The following ZNF521 variants were observed in gnomAD, a reference collection of about 807,000 sequenced individuals.
The protein encoded by ZNF521 is LYST-interacting protein 3.
ZNF521 carries 14 observed loss-of-function variants against 105.5 expected under a neutral mutation model. The ratio of observed to expected loss-of-function variants is 0.13; its 90% CI spans 0.09 to 0.21. The LOEUF is 0.21. ZNF521 is among the 10% of genes least tolerant of loss of function. The pLI, the probability that ZNF521 is intolerant of heterozygous loss-of-function variation, is 1.00. For synonymous variants in ZNF521, 635 were observed against 606.0 expected, an observed-to-expected ratio of 1.05 and a Z score of -0.70; for missense variants, 1,233 against 1,629.7, an observed-to-expected ratio of 0.76 and a Z score of 4.19.
chr18:25,106,130 G>A (rs1247856908), intron 5 of ZNF521, among the ~76,000 whole-genome samples: 1 of 152,046 alleles, frequency 6.6e-6, no homozygotes, highest in South Asian at 2.1e-4. Flanking sequence ...TTATGGGTGA[G>A]AAAACTGATA....
chr18:25,335,835 A>T (rs1462486199), intron 2 of ZNF521, among the ~76,000 whole-genome samples: 1 of 152,212 alleles, frequency 6.6e-6, no homozygotes, highest in Non-Finnish European at 1.5e-5. Context: ...CGGACAAGTG[A>T]ATGCCAAGGT....
chr18:25,064,388 G>A (rs2032994824), intron 7 of ZNF521, among the ~76,000 whole-genome samples: 1 of 152,232 alleles, frequency 6.6e-6, no homozygotes, highest in Admixed American at 6.5e-5. Flanking sequence ...TCTAGGCCAA[G>A]GGACCCACAT....
intron 2 of ZNF521, among the ~76,000 whole-genome samples, chr18:25,328,829 G>A (rs1600315041): frequency 6.6e-6 from 1 of 152,310 alleles, no homozygotes; most frequent in East Asian, 1.9e-4. Flanking sequence ...TGGGATTACA[G>A]GCGTGAGCCA....
At chr18:25,300,136 A>G (rs975932302) in intron 3 of ZNF521, among the ~76,000 whole-genome samples, 6 of 152,158 alleles carry the variant, frequency 3.9e-5, no homozygotes, top group Non-Finnish European at 7.3e-5. Flanking sequence ...AGACATGTGG[A>G]AAGGACTGGT....
chr18:25,274,225 A>T (rs1048462367), intron 3 of ZNF521, among the ~76,000 whole-genome samples: 1 of 152,162 alleles, frequency 6.6e-6, no homozygotes, highest in South Asian at 2.1e-4. Context: ...AAGGAATACC[A>T]AGGAACCAGC....
intron 4 of ZNF521, among the ~76,000 whole-genome samples, chr18:25,203,936 T>C (rs1044129879): frequency 3.3e-5 from 5 of 152,020 alleles, no homozygotes; most frequent in Non-Finnish European, 5.9e-5. Context: ...TCTCAAAGCT[T>C]GGTTCTGTCT....
At chr18:25,117,358 T>C (rs2034349412) in intron 5 of ZNF521, among the ~76,000 whole-genome samples, 1 of 151,994 alleles carries the variant, frequency 6.6e-6, no homozygotes, top group African/African-American at 2.4e-5. Context: ...GAAGAATGTA[T>C]CAGAATCCAT....
Position 25,225,910 on chromosome 18 carries a change from T to A in ZNF521, c.2008A>T (p.Asn670Tyr). ...GATTCTTGGTTGGGGAATTCCTTGT[T>A]GCACTGAGGACAGGTCAATTTTGGA... The part of the protein sequence containing the change: ...VLPKLTCPQC[N>Y]KEFPNQESLL... The change falls in exon 4 of 8, where the codon AAC (asparagine) becomes TAC (tyrosine). Residue 670 changes from asparagine to tyrosine, a missense_variant. Transcript: ENST00000361524. The surrounding 1 kb of genome is among the most constrained non-coding windows in gnomAD (Gnocchi z 5.6). The A allele has an allele frequency of 6.2e-7, 1 of 1,614,174 alleles. No homozygotes were observed. Among genetic ancestry groups the A allele is most frequent in the Non-Finnish European group, 8.5e-7 (1 of 1,180,030 alleles).
intron 3 of ZNF521, among the ~76,000 whole-genome samples, chr18:25,295,578 C>T (rs1334167090): frequency 6.7e-6 from 1 of 149,824 alleles, no homozygotes; most frequent in Admixed American, 6.7e-5. Context: ...TCTCATTTAA[C>T]CCATAAATAT....
intron 5 of ZNF521, among the ~76,000 whole-genome samples, chr18:25,098,614 G>A (rs1262835218): frequency 2.0e-5 from 3 of 152,094 alleles, no homozygotes; most frequent in South Asian, 2.1e-4. Flanking sequence ...GGATAAGGAC[G>A]GGAGTGAGGA....
At chr18:25,064,282 G>A (rs962694698) in intron 7 of ZNF521, among the ~76,000 whole-genome samples, 4 of 142,602 alleles carry the variant, frequency 2.8e-5, no homozygotes, top group Admixed American at 2.2e-4. Context: ...AAATGTCACG[G>A]ATACACCTAA....
intron 3 of ZNF521, among the ~76,000 whole-genome samples, chr18:25,271,543 C>A (rs1407304366): frequency 6.6e-6 from 1 of 152,186 alleles, no homozygotes; most frequent in Non-Finnish European, 1.5e-5. Flanking sequence ...GTAACCAAAG[C>A]AGCATAGTAC....
At chr18:25,089,203 C>T (rs1030091302) in intron 7 of ZNF521, among the ~76,000 whole-genome samples, 26 of 152,286 alleles carry the variant, frequency 1.7e-4, no homozygotes, top group Admixed American at 1.2e-3. Context: ...GTCCAATAAA[C>T]CTGACCTCTA....
intron 5 of ZNF521, among the ~76,000 whole-genome samples, chr18:25,096,279 C>G (rs764589843): frequency 1.3e-5 from 2 of 152,272 alleles, no homozygotes; most frequent in East Asian, 1.9e-4. Flanking sequence ...TAATCACTTA[C>G]AAAATTTTGT....
At chr18:25,099,025 T>C (rs1028479312) in intron 5 of ZNF521, among the ~76,000 whole-genome samples, 1 of 152,158 alleles carries the variant, frequency 6.6e-6, no homozygotes, top group Non-Finnish European at 1.5e-5. Context: ...GCTCTGACCA[T>C]CTCAATGCCA....
chr18:25,180,808 C>A (rs961809835), intron 5 of ZNF521, among the ~76,000 whole-genome samples: 10 of 152,100 alleles, frequency 6.6e-5, no homozygotes, highest in Admixed American at 3.3e-4. Context: ...TAGTGCTCTG[C>A]TGCATAAAAT....
intron 5 of ZNF521, among the ~76,000 whole-genome samples, chr18:25,116,138 C>G (rs2034297199): frequency 1.3e-5 from 2 of 152,140 alleles, no homozygotes; most frequent in African/African-American, 4.8e-5. Context: ...CACTGTAGAA[C>G]TCAGCTGCTA....
chr18:25,190,181 T>G (rs934354378), intron 5 of ZNF521, among the ~76,000 whole-genome samples: 2 of 152,192 alleles, frequency 1.3e-5, no homozygotes, highest in Non-Finnish European at 2.9e-5. Context: ...AATAAGCCAG[T>G]GTTTTATCAT....
intron 3 of ZNF521, among the ~76,000 whole-genome samples, chr18:25,304,452 C>T (rs181463094): frequency 1.4e-4 from 22 of 152,258 alleles, no homozygotes; most frequent in Non-Finnish European, 1.8e-4. Flanking sequence ...ACTTTACATT[C>T]GGTTTTTTGT....
Sources: gnomAD v4.1 joint callset for allele counts (sites outside exome capture counted in the v4.1 genomes callset) on GRCh38, gnomAD v4.1.1 for gene constraint, Gnocchi (gnomAD v3.1) non-coding constraint, MANE v1.5 for transcripts, NCBI Gene and HGNC (gene_info 2026-07-23, HGNC 2026-07-21) for gene names.